Variants in UGT8 observed in about 807,000 individuals in gnomAD.
The protein encoded by UGT8 is UDP glycosyltransferase 8, also known as 2-hydroxyacylsphingosine 1-beta-galactosyltransferase.
Under a neutral mutation model 40.5 loss-of-function variants are expected in UGT8, and 12 were observed. The observed-to-expected ratio is 0.30, with a 90% CI of 0.19 to 0.48. The LOEUF (loss-of-function observed/expected upper bound fraction) is 0.48. Ranked by LOEUF, UGT8 falls within the 20% of genes least tolerant of loss-of-function variation. UGT8 has a pLI of 0.99. For missense variants in UGT8, 513 were observed against 648.7 expected (o/e 0.79, Z 2.27); for synonymous variants, 224 against 240.4 (o/e 0.93, Z 0.63).
At chr4:114,642,315 A>C (rs887446715) in intron 2 of UGT8, among the ~76,000 whole-genome samples, 2 of 151,922 alleles carry the variant, frequency 1.3e-5, no homozygotes, top group African/African-American at 4.8e-5. Context: ...GTTGTTTTGC[A>C]GTTTAAATGG....
intron 1 of UGT8, among the ~76,000 whole-genome samples, chr4:114,599,917 TAATTGAGGGTTTATAA>T (rs1054731838): frequency 1.3e-5 from 2 of 152,128 alleles, no homozygotes; most frequent in Non-Finnish European, 1.5e-5. Flanking sequence ...CTTTCTGGTT[TAATTGAGGGTTTATAA>T]AATTGAGTAC....
At chr4:114,652,756 G>A (rs553113151) in intron 2 of UGT8, among the ~76,000 whole-genome samples, 1 of 152,108 alleles carries the variant, frequency 6.6e-6, no homozygotes, top group East Asian at 1.9e-4. Flanking sequence ...CTTTAGGGGA[G>A]GCTGAGGGTC....
chr4:114,608,873 G>A (rs1730882817), intron 1 of UGT8, among the ~76,000 whole-genome samples: 2 of 152,076 alleles, frequency 1.3e-5, no homozygotes, highest in Admixed American at 1.3e-4. Context: ...ATATGCATGA[G>A]GAAGATAACT....
intron 2 of UGT8, among the ~76,000 whole-genome samples, chr4:114,631,984 T>C (rs1732606380): frequency 6.6e-6 from 1 of 152,196 alleles, no homozygotes; most frequent in South Asian, 2.1e-4. Context: ...GTTCTTGCTT[T>C]AAGATATAGA....
At chr4:114,631,441 C>A (rs573072560) in intron 2 of UGT8, among the ~76,000 whole-genome samples, 3 of 152,186 alleles carry the variant, frequency 2.0e-5, no homozygotes, top group African/African-American at 7.2e-5. Flanking sequence ...GAGCTGAGAT[C>A]GTGCCACTGC....
chr4:114,607,886 C>A (rs1730826810), intron 1 of UGT8, among the ~76,000 whole-genome samples: 1 of 152,132 alleles, frequency 6.6e-6, no homozygotes, highest in Admixed American at 6.5e-5. Flanking sequence ...GACTCATTTT[C>A]ACCATTACCT....
chr4:114,618,746 G>A (rs1393019149), intron 1 of UGT8, among the ~76,000 whole-genome samples: 1 of 151,892 alleles, frequency 6.6e-6, no homozygotes, highest in Non-Finnish European at 1.5e-5. Context: ...CATTTTTAAT[G>A]GATTTATCTA....
At chr4:114,613,464 A>G (rs1232278268) in intron 1 of UGT8, among the ~76,000 whole-genome samples, 1 of 152,176 alleles carries the variant, frequency 6.6e-6, no homozygotes, top group Non-Finnish European at 1.5e-5. Context: ...ATTAAGTACT[A>G]AAAATAGTCA....
At chr4:114,623,764 G>A (rs1295882089) in intron 2 of UGT8, 62 bp downstream of exon 2, 12 of 1,506,170 alleles carry the variant, frequency 8.0e-6, no homozygotes, top group Non-Finnish European at 1.1e-5. Context: ...TTGATTTTTG[G>A]AAGAGATATG....
At position 114,611,403 on chromosome 4, in the gene UGT8, CATATATATATATAT is replaced by C. The variant is rs60533468; in HGVS notation, c.-2-11446_-2-11433del. ...GTAGGATAACATAGCCATATATATC[CATATATATATATAT>C]ATATATATATATATATATATATATA... On this transcript the variant is annotated intron_variant, in intron 1 of 5. Transcript: ENST00000310836. 2.6e-3 allele frequency among the ~76,000 whole-genome samples: 281 copies of C among 106,266 alleles called. 3 individuals are homozygous for C. Among genetic ancestry groups the C allele is most frequent in the African/African-American group, 0.011 (236 of 22,160 alleles). The allele number at this position is 106,266 out of a possible 152,430, so 69.7% of individuals were successfully genotyped here. A position where few individuals can be genotyped will look rare whatever the true frequency, so the allele number is the denominator to read the frequency against.
At chr4:114,634,197 C>T (rs781011909) in intron 2 of UGT8, among the ~76,000 whole-genome samples, 10 of 151,998 alleles carry the variant, frequency 6.6e-5, no homozygotes, top group African/African-American at 1.9e-4. Context: ...TTCCTTGATG[C>T]GAAAGAGTAA....
intron 2 of UGT8, among the ~76,000 whole-genome samples, chr4:114,638,241 A>T (rs1449367293): frequency 6.6e-6 from 1 of 152,144 alleles, no homozygotes; most frequent in African/African-American, 2.4e-5. Context: ...TTTTGCCCTC[A>T]TTGAACTACG....
chr4:114,609,307 G>A (rs1458580818), intron 1 of UGT8, among the ~76,000 whole-genome samples: 1 of 152,152 alleles, frequency 6.6e-6, no homozygotes, highest in East Asian at 1.9e-4. Flanking sequence ...AGAAAAGAGA[G>A]ATAAGCTAGG....
intron 1 of UGT8, among the ~76,000 whole-genome samples, chr4:114,613,660 T>A (rs4585328): frequency 6.6e-6 from 1 of 151,874 alleles, no homozygotes; most frequent in Non-Finnish European, 1.5e-5. Context: ...TTGTATTACC[T>A]GTATTTCTCT....
intron 5 of UGT8, 31 bp from the exon 6 acceptor site, chr4:114,675,894 C>T: frequency 6.4e-7 from 1 of 1,569,558 alleles, no homozygotes; most frequent in Non-Finnish European, 8.6e-7. Context: ...TTATAAGCAT[C>T]ATCATTCTGT....
intron 5 of UGT8, among the ~76,000 whole-genome samples, chr4:114,670,266 C>A (rs1735154313): frequency 6.6e-6 from 1 of 151,554 alleles, no homozygotes; most frequent in South Asian, 2.1e-4. Flanking sequence ...CCCATCTCTA[C>A]TAAAAATACA....
At chr4:114,624,315 A>G (rs79570261) in intron 2 of UGT8, among the ~76,000 whole-genome samples, 9,830 of 152,290 alleles carry the variant, frequency 0.065, 428 homozygotes, top group East Asian at 0.14. Flanking sequence ...TCTGTTCTCT[A>G]TGTGAAACTT....
chr4:114,614,840 C>CT (rs68162513), intron 1 of UGT8, among the ~76,000 whole-genome samples: 2,345 of 98,462 alleles, frequency 0.024, 39 homozygotes, highest in Middle Eastern at 0.092. Flanking sequence ...AGGTGCCAGA[C>CT]TTTTTTTTTT....
rs768716521 is a variant in UGT8 at position 114,676,155 on chromosome 4, T to C, written c.1493T>C (p.Phe498Ser). ...TTTCTCTTGTCTTGGGTGACAAAAT[T>C]TATCTACAGAAAAATCAAAAGTCTG... ...LYFLLSWVTKFIYRKIKSLWS... is the reference protein window; with the variant it reads ...LYFLLSWVTKSIYRKIKSLWS... The change falls in exon 6 of 6, where the codon TTT (phenylalanine) becomes TCT (serine). Residue 498 changes from phenylalanine to serine, a missense_variant. Transcript: ENST00000310836. The C allele has an allele frequency of 6.2e-7, 1 of 1,614,152 alleles. No homozygotes were observed. The highest frequency in any genetic ancestry group is 1.1e-5 in the South Asian group (1 of 91,078).
Sources: allele counts gnomAD v4.1 joint callset (sites outside exome capture counted in the v4.1 genomes callset), GRCh38; gene constraint gnomAD v4.1.1; transcripts MANE v1.5; gene names NCBI Gene and HGNC (gene_info 2026-07-23, HGNC 2026-07-21).